KRABD4: variants seen among roughly 807,000 people sequenced by gnomAD.
KRABD4 encodes the protein KRAB domain-containing protein 4.
chrX:46,469,586 A>G, the KRABD4 span, among the ~76,000 whole-genome samples: 1 of 112,186 alleles, frequency 8.9e-6, no homozygotes, highest in Non-Finnish European at 1.9e-5. Flanking sequence ...TATTAGTGCT[A>G]GTAGCTCTTT....
the KRABD4 span, among the ~76,000 whole-genome samples, chrX:46,468,989 G>A: frequency 7.8e-4 from 87 of 112,080 alleles, no homozygotes; most frequent in African/African-American, 2.8e-3. Context: ...TGCTGAACCA[G>A]TAAATATATA....
chrX:46,455,985 A>G, the KRABD4 span: 1 of 320,541 alleles, frequency 3.1e-6, no homozygotes. Flanking sequence ...AGTTGGAACA[A>G]AACCTTCAAT....
At chrX:46,473,450 T>C in the KRABD4 span, 7 of 1,089,995 alleles carry the variant, frequency 6.4e-6, no homozygotes, top group Non-Finnish European at 8.6e-6. Context: ...AAGCCTTCAG[T>C]AGGAAGTCAA....
At chrX:46,473,469 A>G in the KRABD4 span, 1 of 1,002,462 alleles carries the variant, frequency 1.0e-6, no homozygotes, top group Non-Finnish European at 1.4e-6. Flanking sequence ...AACTCTCATT[A>G]AACATCAGAT....
At chrX:46,463,660 C>A in the KRABD4 span, among the ~76,000 whole-genome samples, 1 of 111,670 alleles carries the variant, frequency 9.0e-6, no homozygotes, top group Non-Finnish European at 1.9e-5. Context: ...GTATTTTCAC[C>A]ATAGTAGATG....
At chrX:46,457,644 T>TTA in the KRABD4 span, among the ~76,000 whole-genome samples, 2 of 107,911 alleles carry the variant, frequency 1.9e-5, no homozygotes, top group Non-Finnish European at 3.8e-5. Context: ...TTTTTTTTTT[T>TTA]TATATATACA....
At chrX:46,472,940 G>T in the KRABD4 span, 48 of 1,209,754 alleles carry the variant, frequency 4.0e-5, no homozygotes, top group East Asian at 3.0e-5. Flanking sequence ...AATATTATTC[G>T]TGGGAAAAGG....
At chrX:46,461,520 G>A in the KRABD4 span, among the ~76,000 whole-genome samples, 1 of 111,670 alleles carries the variant, frequency 9.0e-6, no homozygotes, top group African/African-American at 3.3e-5. Flanking sequence ...GGGTAAACTG[G>A]TGCCACTGTG....
the KRABD4 span, among the ~76,000 whole-genome samples, chrX:46,460,768 C>G: frequency 2.5e-3 from 270 of 108,526 alleles, 3 homozygotes; most frequent in African/African-American, 9.0e-3. Context: ...ATCACAGGAG[C>G]CAGCCACCAC....
chrX:46,467,281 G>A, the KRABD4 span, among the ~76,000 whole-genome samples: 1 of 111,855 alleles, frequency 8.9e-6, no homozygotes, highest in Non-Finnish European at 1.9e-5. Context: ...GGCCGGGTGT[G>A]GTGCCTCACG....
the KRABD4 span, chrX:46,471,076 T>C: frequency 9.0e-7 from 1 of 1,116,286 alleles, no homozygotes; most frequent in South Asian, 2.0e-5. Flanking sequence ...ACTTGTTCTA[T>C]CAATTATTGA....
At chrX:46,461,894 ACTGTCC>A in the KRABD4 span, among the ~76,000 whole-genome samples, 2 of 110,763 alleles carry the variant, frequency 1.8e-5, no homozygotes, top group African/African-American at 3.3e-5. Context: ...TACATCTGTC[ACTGTCC>A]CTGTGAGGCA....
chrX:46,451,901 G>A, the KRABD4 span, among the ~76,000 whole-genome samples: 4 of 112,681 alleles, frequency 3.5e-5, no homozygotes, highest in Non-Finnish European at 7.5e-5. Context: ...GATACACATT[G>A]TAAAAAAATT....
At chrX:46,466,518 T>C in the KRABD4 span, among the ~76,000 whole-genome samples, 1 of 112,177 alleles carries the variant, frequency 8.9e-6, no homozygotes, top group African/African-American at 3.2e-5. Flanking sequence ...GTTACAGAGA[T>C]CAGTACCCTT....
At chrX:46,460,324 G>A in the KRABD4 span, among the ~76,000 whole-genome samples, 2 of 108,032 alleles carry the variant, frequency 1.9e-5, no homozygotes, top group East Asian at 5.9e-4. Flanking sequence ...GGCTGAGGCA[G>A]AAGAATCACT....
At chrX:46,462,509 CAAAAA>C in the KRABD4 span, 1 of 360,353 alleles carries the variant, frequency 2.8e-6, no homozygotes, top group Non-Finnish European at 4.5e-6. Context: ...GACTCGGTCT[CAAAAA>C]AAAAAAAAGA....
the KRABD4 span, chrX:46,462,538 G>C: frequency 1.9e-6 from 1 of 530,711 alleles, no homozygotes; most frequent in East Asian, 3.8e-5. Flanking sequence ...AAAGGCCATT[G>C]TGGGTGTGGG....
the KRABD4 span, chrX:46,457,284 C>T: frequency 1.2e-5 from 2 of 165,932 alleles, no homozygotes; most frequent in Non-Finnish European, 1.1e-5. Flanking sequence ...GAAACCATAA[C>T]GAGAAAGATT....
chrX:46,447,508 C>A, the KRABD4 span, among the ~76,000 whole-genome samples: 1 of 111,029 alleles, frequency 9.0e-6, no homozygotes, highest in African/African-American at 3.3e-5. Flanking sequence ...TGAGACAGGC[C>A]CCTTGCTCTC....
Sources: gnomAD v4.1 joint callset for allele counts (sites outside exome capture counted in the v4.1 genomes callset) on GRCh38, gnomAD v4.1.1 for gene constraint, MANE v1.5 for transcripts, NCBI Gene and HGNC (gene_info 2026-07-23, HGNC 2026-07-21) for gene names.